Variants in NELL2 observed in about 807,000 individuals in gnomAD.
The protein encoded by NELL2 is neural EGFL like 2.
A neutral mutation model predicts 109.6 loss-of-function variants in NELL2; 41 were observed. That is an observed-to-expected ratio of 0.37 (90% CI 0.29 to 0.49). The LOEUF is 0.49. Ranked by LOEUF, NELL2 falls within the 20% of genes least tolerant of loss-of-function variation. The pLI is 0.98. For missense variants in NELL2, 900 were observed against 1,008.3 expected, an observed-to-expected ratio of 0.89 and a Z score of 1.45; for synonymous variants, 355 against 344.7, an observed-to-expected ratio of 1.03 and a Z score of -0.33.
intron 13 of NELL2, among the ~76,000 whole-genome samples, chr12:44,663,280 A>C (rs1407845474): frequency 1.3e-5 from 2 of 152,162 alleles, no homozygotes; most frequent in East Asian, 3.9e-4. Flanking sequence ...GGCAATATTC[A>C]CCTGACTCTG....
At chr12:44,818,739 A>ATTTTTTTTTTTTTTTTTT (rs907406696) in intron 2 of NELL2, among the ~76,000 whole-genome samples, 1 of 105,182 alleles carries the variant, frequency 9.5e-6, no homozygotes, top group African/African-American at 4.3e-5. Flanking sequence ...TTTTTTTTTT[A>ATTTTTTTTTTTTTTTTTT]TTTTTTTTTT....
At chr12:44,524,321 C>G (rs1328750397) in intron 16 of NELL2, among the ~76,000 whole-genome samples, 2 of 152,046 alleles carry the variant, frequency 1.3e-5, no homozygotes, top group African/African-American at 2.4e-5. Context: ...TTTTATTTAC[C>G]CCCGTAATTT....
chr12:44,584,525 T>C lies in NELL2; in HGVS notation c.1663+22644A>G, dbSNP rs78310518. The stretch of plus-strand genomic sequence containing the variant: ...AAGTGGCATTCCTATATTATATACC[T>C]GAGCCTTATTTATGCAGTTGTTCTG... On this transcript the variant is annotated intron_variant, in intron 15 of 19. Transcript: ENST00000429094. Among the ~76,000 whole-genome samples the C allele has an allele frequency of 5.3e-3, 809 of 152,362 alleles. 4 individuals carry two copies. Among genetic ancestry groups the C allele is most frequent in the Non-Finnish European group, 9.3e-3 (631 of 68,038 alleles).
At chr12:44,754,010 T>C (rs1012393817) in intron 9 of NELL2, among the ~76,000 whole-genome samples, 2 of 152,202 alleles carry the variant, frequency 1.3e-5, no homozygotes, top group Non-Finnish European at 2.9e-5. Flanking sequence ...TTCGTTTCTG[T>C]ATTCCATACT....
chr12:44,723,595 C>T (rs1340007525), intron 9 of NELL2, among the ~76,000 whole-genome samples: 1 of 151,758 alleles, frequency 6.6e-6, no homozygotes, highest in Non-Finnish European at 1.5e-5. Flanking sequence ...ATAAGTAAGC[C>T]TTTCAATGTG....
At chr12:44,765,967 T>C (rs2136561422) in intron 9 of NELL2, among the ~76,000 whole-genome samples, 1 of 151,742 alleles carries the variant, frequency 6.6e-6, no homozygotes, top group South Asian at 2.1e-4. Context: ...TAAAAGTACA[T>C]AAATTAGCTG....
At chr12:44,576,855 T>G (rs1183682646) in intron 15 of NELL2, among the ~76,000 whole-genome samples, 1 of 150,810 alleles carries the variant, frequency 6.6e-6, no homozygotes, top group Non-Finnish European at 1.5e-5. Flanking sequence ...TTCATCCACG[T>G]CCCTACAAAG....
intron 9 of NELL2, among the ~76,000 whole-genome samples, chr12:44,729,084 C>T (rs1270196089): frequency 1.3e-5 from 2 of 152,004 alleles, no homozygotes; most frequent in Non-Finnish European, 2.9e-5. Flanking sequence ...ATACAGAATA[C>T]TATAATACTC....
rs570145933 is a variant in NELL2, at chr12:44,635,542, TC to T, written c.1445-24573del. ...CCAACACCATTTATTAAATAGGAAA[TC>T]CTTTCCCCATTGCTTGTTTTTCTCA... is the stretch of plus-strand genomic sequence containing the variant. On this transcript the variant is annotated intron_variant, in intron 13 of 19. Transcript: ENST00000429094. 8.0e-3 allele frequency among the ~76,000 whole-genome samples: 1,216 copies of T among 152,316 alleles called. 17 individuals are homozygous for T. Among genetic ancestry groups the T allele is most frequent in the African/African-American group, 0.028 (1,169 of 41,558 alleles).
chr12:44,526,065 T>C (rs1301040190), intron 16 of NELL2, among the ~76,000 whole-genome samples: 1 of 152,142 alleles, frequency 6.6e-6, no homozygotes, highest in Admixed American at 6.5e-5. Flanking sequence ...GCTGAAGAGC[T>C]ACTCAGGGCC....
intron 13 of NELL2, among the ~76,000 whole-genome samples, chr12:44,626,392 C>T (rs1403756639): frequency 6.6e-6 from 1 of 152,194 alleles, no homozygotes; most frequent in Non-Finnish European, 1.5e-5. Flanking sequence ...TTGTAGCTTA[C>T]TCACTTGTTC....
chr12:44,589,874 A>C (rs960310657), intron 15 of NELL2, among the ~76,000 whole-genome samples: 7 of 152,178 alleles, frequency 4.6e-5, no homozygotes, highest in African/African-American at 1.7e-4. Flanking sequence ...CATACAGTTA[A>C]GTATCAAATG....
Position 44,508,857 on chromosome 12 carries a change from T to G in NELL2, c.*77A>C. 1 of 1,283,914 alleles carries G rather than the reference T, an allele frequency of 7.8e-7. No homozygotes were observed. Among genetic ancestry groups the G allele is most frequent in the Non-Finnish European group, 1.1e-6 (1 of 895,864 alleles). 79.5% of individuals were successfully genotyped at this position (1,283,914 alleles called of 1,614,324 possible). On this transcript the variant is annotated 3_prime_UTR_variant, in exon 20 of 20. Transcript: ENST00000429094. Reference sequence around the variant, plus strand: ...ATTTAGCTGCCCACAAATCACCCAATTTAAGTTTTAACTTCTTTTTGGTCT... The same window carrying G: ...ATTTAGCTGCCCACAAATCACCCAAGTTAAGTTTTAACTTCTTTTTGGTCT...
At chr12:44,854,034 T>C (rs1787133435) in intron 2 of NELL2, among the ~76,000 whole-genome samples, 1 of 152,170 alleles carries the variant, frequency 6.6e-6, no homozygotes, top group African/African-American at 2.4e-5. Context: ...ACGCAATTCA[T>C]AGTAAAGATA....
Position 44,644,937 on chromosome 12 carries a change from A to G in NELL2, c.1444+20547T>C, listed in dbSNP as rs191912087. On this transcript the variant is annotated intron_variant, in intron 13 of 19. Transcript: ENST00000429094. ...GACTGTTAGCTTCTGAAGGAAACAT[A>G]ATAGAACCCCAGTGGATGGGGAAGA... 5.8e-3 allele frequency among the ~76,000 whole-genome samples: 880 copies of G among 152,066 alleles called. 11 individuals are homozygous for G. The highest frequency in any genetic ancestry group is 0.02 in the African/African-American group (844 of 41,492).
In NELL2 at chr12:44,824,806, G is replaced by T. The variant is rs1592606587; in HGVS notation, c.185-8670C>A. Among the ~76,000 whole-genome samples, 4 of 150,014 alleles carry T rather than the reference G, an allele frequency of 2.7e-5. No individual in the cohort carries two copies. The South Asian group carries it at 8.4e-4, about 32-fold the overall frequency. Reference sequence around the variant, plus strand: ...GCTAATCGCAAGCTCCGCCTCCCGGGTTCACGCCATTCTCCTGCCTCAGCC... The same window carrying T: ...GCTAATCGCAAGCTCCGCCTCCCGGTTTCACGCCATTCTCCTGCCTCAGCC... On this transcript the variant is annotated intron_variant, in intron 2 of 19. Coordinates refer to ENST00000429094, the MANE Select transcript of NELL2 (RefSeq NM_001145108.2).
intron 15 of NELL2, among the ~76,000 whole-genome samples, chr12:44,579,613 C>A (rs1016693687): frequency 7.9e-5 from 12 of 152,230 alleles, no homozygotes; most frequent in Admixed American, 3.3e-4. Flanking sequence ...CTACTGCCGC[C>A]TTAAAACAGA....
chr12:44,622,679 C>A (rs1447865449), intron 13 of NELL2, among the ~76,000 whole-genome samples: 1 of 152,128 alleles, frequency 6.6e-6, no homozygotes, highest in Non-Finnish European at 1.5e-5. Flanking sequence ...ACAGTTGGAT[C>A]AGATACTACT....
chr12:44,856,604 A>C (rs1463701596), intron 2 of NELL2, among the ~76,000 whole-genome samples: 2 of 152,208 alleles, frequency 1.3e-5, no homozygotes, highest in Non-Finnish European at 2.9e-5. Flanking sequence ...GTGGACAGCC[A>C]GTGCAAAAGC....
Sources: gnomAD v4.1 joint callset for allele counts (sites outside exome capture counted in the v4.1 genomes callset) on GRCh38, gnomAD v4.1.1 for gene constraint, MANE v1.5 for transcripts, NCBI Gene and HGNC (gene_info 2026-07-23, HGNC 2026-07-21) for gene names.